Variants in ZNF600 observed in about 807,000 individuals in gnomAD.
ZNF600 encodes the protein zinc finger protein 600.
In ZNF600, 4 loss-of-function variants were observed where a neutral mutation model predicts 7.3. That is an observed-to-expected ratio of 0.55 (90% CI 0.27 to 1.25). The LOEUF (loss-of-function observed/expected upper bound fraction) is 1.25. Among genes scored for constraint, ZNF600 ranks in the 50% most tolerant of loss-of-function variants. The pLI is 0.12. For missense variants in ZNF600, 911 were observed against 922.1 expected (o/e 0.99, Z 0.16); for synonymous variants, 290 against 308.9 (o/e 0.94, Z 0.64).
chr19:52,791,835 T>TC, the ZNF600 span, among the ~76,000 whole-genome samples: 1 of 152,102 alleles, frequency 6.6e-6, no homozygotes, highest in Non-Finnish European at 1.5e-5. Flanking sequence ...TGGACTGATC[T>TC]CCCCTTCAGG....
At chr19:52,801,627 G>A in the ZNF600 span, 1 of 1,614,084 alleles carries the variant, frequency 6.2e-7, no homozygotes, top group Non-Finnish European at 8.5e-7. Flanking sequence ...TCTTTGCAAT[G>A]TCCCTGTGTG....
At chr19:52,775,275 C>T (rs1442600347) in intron 2 of ZNF600, among the ~76,000 whole-genome samples, 2 of 151,476 alleles carry the variant, frequency 1.3e-5, no homozygotes, top group Non-Finnish European at 2.9e-5. Context: ...AAAACAATGC[C>T]GGGCAGTGAC....
chr19:52,809,735 G>T, the ZNF600 span: 1 of 414,112 alleles, frequency 2.4e-6, no homozygotes, highest in Non-Finnish European at 4.3e-6. Flanking sequence ...AACCCAGGAG[G>T]AGGGGGTTGC....
chr19:52,816,447 G>A, the ZNF600 span, among the ~76,000 whole-genome samples: 2 of 145,524 alleles, frequency 1.4e-5, 1 homozygote, highest in Admixed American at 1.4e-4. Context: ...GGAGGATAAC[G>A]AGGTCAGGAG....
rs146834039 is a variant in ZNF600, at chr19:52,767,162, G to C, written c.801C>G (p.Leu267=). 21 of 1,614,034 alleles carry C rather than the reference G, an allele frequency of 1.3e-5. No individual in the cohort carries two copies. The African/African-American group carries it at 2.4e-4, about 18-fold the overall frequency. ...ATGTAAGGTATTGCTTGTGATTAAA[G>C]AGCTTGCCACATACATCACATTTAT... Residue 267 remains leucine, a synonymous_variant, in exon 4 of 4, where the codon CTC becomes CTG. Coordinates refer to ENST00000648973, the Ensembl canonical transcript of ZNF600.
the ZNF600 span, among the ~76,000 whole-genome samples, chr19:52,823,399 A>G: frequency 2.0e-5 from 3 of 152,014 alleles, no homozygotes; most frequent in Non-Finnish European, 4.4e-5. Flanking sequence ...TATTTTCAGT[A>G]GACACGGGGT....
chr19:52,825,129 A>G, the ZNF600 span, among the ~76,000 whole-genome samples: 1 of 152,052 alleles, frequency 6.6e-6, no homozygotes, highest in Non-Finnish European at 1.5e-5. Flanking sequence ...AAATGAGGAA[A>G]TGCCACGTCC....
the ZNF600 span, chr19:52,799,993 G>A: frequency 6.2e-7 from 1 of 1,612,818 alleles, no homozygotes; most frequent in Non-Finnish European, 8.5e-7. Flanking sequence ...GATGATGTCT[G>A]ACGGAAGGTC....
chr19:52,809,912 C>A, the ZNF600 span: 1 of 836,512 alleles, frequency 1.2e-6, no homozygotes, highest in Non-Finnish European at 2.0e-6. Context: ...ATCTTGTGCC[C>A]GGGGCCGGTG....
chr19:52,767,923 T>C (rs1415796745), intron 3 of ZNF600, among the ~76,000 whole-genome samples, 151 bp from the exon 6 acceptor site: 4 of 152,166 alleles, frequency 2.6e-5, no homozygotes, highest in Non-Finnish European at 4.4e-5. Context: ...TAAGATTCTT[T>C]AATAAACAAG....
At chr19:52,813,249 GAAAAA>G in the ZNF600 span, among the ~76,000 whole-genome samples, 47 of 62,988 alleles carry the variant, frequency 7.5e-4, no homozygotes, top group East Asian at 0.025. Flanking sequence ...CTTGAATGGT[GAAAAA>G]AAAAAAAAAA....
the ZNF600 span, among the ~76,000 whole-genome samples, chr19:52,795,554 G>C: frequency 2.6e-5 from 4 of 152,046 alleles, no homozygotes; most frequent in Non-Finnish European, 4.4e-5. Flanking sequence ...GCTTATTTGA[G>C]AAGCAGTTAT....
chr19:52,810,218 C>T, the ZNF600 span: 2 of 1,112,682 alleles, frequency 1.8e-6, no homozygotes, highest in South Asian at 1.2e-5. Flanking sequence ...TACAGAACGA[C>T]GTAGAGAAGC....
chr19:52,809,970 G>A, the ZNF600 span: 6 of 789,982 alleles, frequency 7.6e-6, no homozygotes, highest in East Asian at 5.3e-5. Context: ...CGATGGGAAC[G>A]GCCTGGAGTC....
At chr19:52,816,386 C>A in the ZNF600 span, among the ~76,000 whole-genome samples, 3 of 145,884 alleles carry the variant, frequency 2.1e-5, 1 homozygote, top group Admixed American at 1.4e-4. Context: ...CCAGGCAAGC[C>A]GGGCGCGGTG....
chr19:52,798,652 T>C, the ZNF600 span: 5 of 437,038 alleles, frequency 1.1e-5, no homozygotes, highest in East Asian at 2.6e-4. Context: ...AGGATGAAAC[T>C]TGACTGAAGA....
At position 52,767,031 on chromosome 19, in the gene ZNF600, G is replaced by A. The variant is rs1314676875; in HGVS notation, c.932C>T (p.Ala311Val). ...CTCATTACACTTGTGAGATTTTACT[G>A]CAGTGTGAAGTCTACGATGGCATGT... The change falls in exon 4 of 4, where the codon GCA becomes GTA. Residue 311 changes from alanine to valine, a missense_variant. Ala to Val is a moderately conservative substitution (Grantham distance 64, BLOSUM62 0). Coordinates refer to ENST00000648973, the Ensembl canonical transcript of ZNF600. 9 of 1,613,896 alleles carry A rather than the reference G, an allele frequency of 5.6e-6. No homozygotes were observed. In the East Asian group the frequency reaches 1.8e-4, roughly 32 times the overall value.
the ZNF600 span, chr19:52,807,929 T>C: frequency 5.0e-6 from 8 of 1,600,700 alleles, no homozygotes; most frequent in Non-Finnish European, 6.0e-6. Context: ...TTTAGTCAAG[T>C]AAGGATGTGG....
At chr19:52,825,412 C>T in the ZNF600 span, among the ~76,000 whole-genome samples, 2 of 152,060 alleles carry the variant, frequency 1.3e-5, no homozygotes, top group Non-Finnish European at 2.9e-5. Context: ...CAGTGGCTCA[C>T]GCATGTAATC....
Sources: allele counts gnomAD v4.1 joint callset (sites outside exome capture counted in the v4.1 genomes callset), GRCh38; gene constraint gnomAD v4.1.1; transcripts MANE v1.5; gene names NCBI Gene and HGNC (gene_info 2026-07-23, HGNC 2026-07-21).